Variants in RAB28 observed in about 807,000 individuals in gnomAD.
RAB28 encodes the protein ras-related protein Rab-28.
In RAB28, 24 loss-of-function variants were observed where a neutral mutation model predicts 31.7. That is an observed-to-expected ratio of 0.76 (90% CI 0.55 to 1.06). RAB28 has a LOEUF of 1.06. Among genes scored for constraint, RAB28 ranks in the 50% least tolerant of loss-of-function variants. RAB28 has a pLI of 0.00. For synonymous variants in RAB28, 100 were observed against 90.4 expected (o/e 1.11, Z -0.60); for missense variants, 254 against 258.5 (o/e 0.98, Z 0.12).
In RAB28 at chr4:13,423,010, C is replaced by T. The variant is rs559385238; in HGVS notation, c.391+37689G>A. On this transcript the variant is annotated intron_variant, in intron 4 of 6. Coordinates refer to ENST00000330852, the MANE Select transcript of RAB28 (RefSeq NM_001017979.3). ...AAAAATTAAACTCTAAGTAATGATA[C>T]ATTCGAGGAAGTATTTAAAGTATAG... Among the ~76,000 whole-genome samples, 3 of 151,726 alleles carry T rather than the reference C, an allele frequency of 2.0e-5. No homozygotes were observed. In the East Asian group the frequency reaches 5.8e-4, roughly 29 times the overall value.
chr4:13,450,821 C>G (rs1225208192), intron 4 of RAB28, among the ~76,000 whole-genome samples: 1 of 151,480 alleles, frequency 6.6e-6, no homozygotes, highest in Non-Finnish European at 1.5e-5. Flanking sequence ...TCATTTCAAG[C>G]ATAGGAAATT....
chr4:13,400,989 G>T (rs1177674323), intron 4 of RAB28, among the ~76,000 whole-genome samples: 1 of 152,024 alleles, frequency 6.6e-6, no homozygotes, highest in Non-Finnish European at 1.5e-5. Context: ...GGAATCTTTT[G>T]TATTTATGTT....
intron 4 of RAB28, among the ~76,000 whole-genome samples, chr4:13,457,287 A>G (rs1475781462): frequency 6.6e-6 from 1 of 152,132 alleles, no homozygotes. Context: ...TCCCTCCCAA[A>G]AGAAAATAAG....
intron 4 of RAB28, among the ~76,000 whole-genome samples, chr4:13,423,493 A>T (rs964904462): frequency 6.6e-6 from 1 of 152,106 alleles, no homozygotes; most frequent in African/African-American, 2.4e-5. Context: ...CGGGGGGGAA[A>T]AAAAAAGGTG....
At chr4:13,438,985 A>G (rs1714274655) in intron 4 of RAB28, among the ~76,000 whole-genome samples, 1 of 152,076 alleles carries the variant, frequency 6.6e-6, no homozygotes, top group South Asian at 2.1e-4. Context: ...TGGGTGTGAC[A>G]TGTTGTCTTA....
chr4:13,388,419 G>A (rs1430803050), intron 4 of RAB28, among the ~76,000 whole-genome samples: 1 of 151,938 alleles, frequency 6.6e-6, no homozygotes, highest in Non-Finnish European at 1.5e-5. Context: ...TAAAACTCCT[G>A]GAAGAAAACA....
intron 6 of RAB28, among the ~76,000 whole-genome samples, chr4:13,372,881 AT>A (rs1404474548): frequency 1.3e-5 from 2 of 152,088 alleles, no homozygotes; most frequent in Non-Finnish European, 2.9e-5. Context: ...CAAGCCTTAC[AT>A]GAGATACTTT....
At chr4:13,428,061 T>A (rs1577205044) in intron 4 of RAB28, among the ~76,000 whole-genome samples, 1 of 152,140 alleles carries the variant, frequency 6.6e-6, no homozygotes, top group East Asian at 1.9e-4. Flanking sequence ...GCTGCATGCA[T>A]CAGTAATCAG....
At chr4:13,379,374 T>C (rs1729045304) in intron 5 of RAB28, among the ~76,000 whole-genome samples, 1 of 152,086 alleles carries the variant, frequency 6.6e-6, no homozygotes, top group Admixed American at 6.6e-5. Context: ...GTCATGTTCA[T>C]GGGTACACCC....
At chr4:13,415,258 C>G (rs765394238) in intron 4 of RAB28, among the ~76,000 whole-genome samples, 16 of 152,202 alleles carry the variant, frequency 1.1e-4, no homozygotes, top group Non-Finnish European at 2.1e-4. Context: ...CCTCACAGCC[C>G]TTGCTCACTC....
chr4:13,483,341 AC>A (rs985879852), intron 1 of RAB28, among the ~76,000 whole-genome samples: 2 of 152,054 alleles, frequency 1.3e-5, no homozygotes, highest in Admixed American at 6.6e-5. Flanking sequence ...AAGCAGCTCT[AC>A]CCTCAGCATC....
At chr4:13,433,841 G>GA (rs1713951030) in intron 4 of RAB28, among the ~76,000 whole-genome samples, 1 of 151,816 alleles carries the variant, frequency 6.6e-6, no homozygotes, top group South Asian at 2.1e-4. Context: ...CCATTTTACC[G>GA]AAAAATATAT....
At chr4:13,448,809 C>T (rs181800816) in intron 4 of RAB28, among the ~76,000 whole-genome samples, 1 of 152,026 alleles carries the variant, frequency 6.6e-6, no homozygotes, top group Non-Finnish European at 1.5e-5. Flanking sequence ...TAACAAAATA[C>T]TTTCTCTTTC....
intron 3 of RAB28, among the ~76,000 whole-genome samples, chr4:13,467,986 GA>G (rs1715942601): frequency 6.6e-6 from 1 of 151,830 alleles, no homozygotes; most frequent in Admixed American, 6.6e-5. Flanking sequence ...TATAATTTGA[GA>G]CAAAGCAGAC....
intron 4 of RAB28, among the ~76,000 whole-genome samples, chr4:13,434,258 A>G (rs562330999): frequency 7.0e-4 from 107 of 152,290 alleles, no homozygotes; most frequent in Admixed American, 2.0e-3. Flanking sequence ...CCCAAACCTA[A>G]GCATCATGCA....
At chr4:13,468,437 C>T (rs1055258343) in intron 3 of RAB28, among the ~76,000 whole-genome samples, 1 of 151,744 alleles carries the variant, frequency 6.6e-6, no homozygotes, top group Admixed American at 6.6e-5. Flanking sequence ...GCTTTAAAAA[C>T]TCAAAGTATG....
chr4:13,393,876 A>AAG (rs1729757473), intron 4 of RAB28, among the ~76,000 whole-genome samples: 1 of 148,238 alleles, frequency 6.7e-6, no homozygotes, highest in Non-Finnish European at 1.5e-5. Flanking sequence ...AAAAAAAAAC[A>AAG]GTACATGCAC....
intron 4 of RAB28, among the ~76,000 whole-genome samples, chr4:13,406,444 T>C (rs577371243): frequency 3.3e-4 from 50 of 152,344 alleles, no homozygotes; most frequent in Admixed American, 1.6e-3. Flanking sequence ...CTATTGTGAA[T>C]AGTGCCGCAA....
chr4:13,441,808 G>T (rs1351837139), intron 4 of RAB28, among the ~76,000 whole-genome samples: 1 of 152,084 alleles, frequency 6.6e-6, no homozygotes, highest in African/African-American at 2.4e-5. Context: ...CCTTTAGCTG[G>T]AGCAGTGCAA....
Sources: allele counts gnomAD v4.1 joint callset (sites outside exome capture counted in the v4.1 genomes callset), GRCh38; gene constraint gnomAD v4.1.1; transcripts MANE v1.5; gene names NCBI Gene and HGNC (gene_info 2026-07-23, HGNC 2026-07-21).